SNTG1: variants seen among roughly 807,000 people sequenced by gnomAD.
The protein encoded by SNTG1 is syntrophin gamma 1, also known as gamma-1-syntrophin.
SNTG1 carries 39 observed loss-of-function variants against 74.7 expected under a neutral mutation model. That is an observed-to-expected ratio of 0.52 (90% CI 0.40 to 0.68). SNTG1 has a LOEUF of 0.68. SNTG1 is among the 30% of genes least tolerant of loss of function. The pLI is 0.00. For missense variants in SNTG1, 685 were observed against 609.5 expected, an observed-to-expected ratio of 1.12 and a Z score of -1.30; for synonymous variants, 254 against 217.1, an observed-to-expected ratio of 1.17 and a Z score of -1.49.
At chr8:50,405,493 G>C (rs1371351408) in intron 4 of SNTG1, among the ~76,000 whole-genome samples, 2 of 151,980 alleles carry the variant, frequency 1.3e-5, no homozygotes, top group Non-Finnish European at 2.9e-5. Flanking sequence ...TTTTGAATTG[G>C]ATTGTTTGTT....
At chr8:50,511,344 T>C (rs1185452064) in intron 9 of SNTG1, among the ~76,000 whole-genome samples, 1 of 152,190 alleles carries the variant, frequency 6.6e-6, no homozygotes, top group African/African-American at 2.4e-5. Context: ...AACTATGTGG[T>C]CAATTTTGGA....
intron 18 of SNTG1, among the ~76,000 whole-genome samples, chr8:50,787,892 G>A (rs1252760321): frequency 6.6e-6 from 1 of 151,992 alleles, no homozygotes; most frequent in African/African-American, 2.4e-5. Context: ...TTTTTGGAGT[G>A]ATAAAAATGT....
At chr8:50,729,894 A>T (rs577383148) in intron 17 of SNTG1, among the ~76,000 whole-genome samples, 1 of 152,284 alleles carries the variant, frequency 6.6e-6, no homozygotes, top group African/African-American at 2.4e-5. Context: ...ACTGTGACCA[A>T]GGAATTCATT....
intron 1 of SNTG1, among the ~76,000 whole-genome samples, chr8:49,928,238 T>G (rs965983315): frequency 1.1e-4 from 2 of 18,814 alleles, no homozygotes; most frequent in Non-Finnish European, 2.9e-4. Flanking sequence ...TTTTGTTTCT[T>G]TTTTTTTGAG....
chr8:50,702,165 A>G (rs1377892985), intron 15 of SNTG1, among the ~76,000 whole-genome samples: 2 of 151,828 alleles, frequency 1.3e-5, no homozygotes, highest in East Asian at 3.9e-4. Flanking sequence ...TATTTTTTTT[A>G]TAATGGCATT....
chr8:50,714,337 A>G (rs939609736), intron 17 of SNTG1, among the ~76,000 whole-genome samples: 30 of 151,926 alleles, frequency 2.0e-4, no homozygotes, highest in African/African-American at 2.4e-4. Context: ...TTGGTTCCCT[A>G]TGAAATTTGA....
At chr8:49,972,224 C>T (rs1316988521) in intron 1 of SNTG1, among the ~76,000 whole-genome samples, 2 of 152,108 alleles carry the variant, frequency 1.3e-5, no homozygotes, top group African/African-American at 2.4e-5. Context: ...TATCTACAAC[C>T]ACCTGATCTT....
At chr8:50,551,922 A>G (rs1004848693) in intron 11 of SNTG1, among the ~76,000 whole-genome samples, 1 of 152,164 alleles carries the variant, frequency 6.6e-6, no homozygotes, top group African/African-American at 2.4e-5. Context: ...TGAGACAGGA[A>G]GGCAGAGTGG....
At chr8:49,963,294 T>A (rs1810858629) in intron 1 of SNTG1, among the ~76,000 whole-genome samples, 1 of 152,178 alleles carries the variant, frequency 6.6e-6, no homozygotes, top group Admixed American at 6.5e-5. Flanking sequence ...CTGCCAGGAT[T>A]CAAATAAACA....
chr8:50,548,994 C>A (rs1206935050), intron 11 of SNTG1, among the ~76,000 whole-genome samples: 2 of 152,032 alleles, frequency 1.3e-5, no homozygotes, highest in Admixed American at 1.3e-4. Context: ...TTGCAAGGAC[C>A]TCAGAGATAT....
At chr8:49,995,519 A>G (rs2130372126) in intron 1 of SNTG1, among the ~76,000 whole-genome samples, 1 of 152,292 alleles carries the variant, frequency 6.6e-6, no homozygotes, top group African/African-American at 2.4e-5. Flanking sequence ...TGATGTGTGC[A>G]TTTGTTTAAT....
chr8:50,116,763 G>A (rs1459733282), intron 1 of SNTG1, among the ~76,000 whole-genome samples: 1 of 151,998 alleles, frequency 6.6e-6, no homozygotes, highest in South Asian at 2.1e-4. Flanking sequence ...AGGAGTGCAG[G>A]GGCTGCTGCT....
intron 1 of SNTG1, among the ~76,000 whole-genome samples, chr8:50,022,552 C>A (rs918783220): frequency 1.3e-5 from 2 of 152,162 alleles, no homozygotes; most frequent in Non-Finnish European, 1.5e-5. Context: ...TTGAAGGAGA[C>A]CTGAACCTTG....
intron 1 of SNTG1, among the ~76,000 whole-genome samples, chr8:50,134,616 G>T (rs2081413515): frequency 6.6e-6 from 1 of 152,118 alleles, no homozygotes; most frequent in Non-Finnish European, 1.5e-5. Flanking sequence ...AGATAGAATA[G>T]TAATTAGAGG....
At chr8:50,102,790 T>C (rs1422818669) in intron 1 of SNTG1, among the ~76,000 whole-genome samples, 1 of 150,868 alleles carries the variant, frequency 6.6e-6, no homozygotes, top group Non-Finnish European at 1.5e-5. Context: ...CTAGCCAGTT[T>C]TCCCAGCCCC....
chr8:49,999,723 G>A (rs770970776), intron 1 of SNTG1, among the ~76,000 whole-genome samples: 19 of 152,116 alleles, frequency 1.2e-4, no homozygotes, highest in East Asian at 1.9e-4. Flanking sequence ...CTTTTTGCCC[G>A]TTTCCTGAAT....
chr8:50,607,585 T>A (rs2094821892), intron 13 of SNTG1, among the ~76,000 whole-genome samples: 2 of 151,668 alleles, frequency 1.3e-5, no homozygotes, highest in Non-Finnish European at 3.0e-5. Flanking sequence ...ATTCTTTCCC[T>A]CTCTCTTTTT....
chr8:50,683,647 A>G (rs2095340111), intron 15 of SNTG1, among the ~76,000 whole-genome samples: 1 of 152,198 alleles, frequency 6.6e-6, no homozygotes, highest in Non-Finnish European at 1.5e-5. Flanking sequence ...ATTTCAAGTG[A>G]CACAAGTATT....
At chr8:50,478,717 T>A (rs2093715985) in intron 8 of SNTG1, among the ~76,000 whole-genome samples, 1 of 152,188 alleles carries the variant, frequency 6.6e-6, no homozygotes, top group African/African-American at 2.4e-5. Flanking sequence ...GTTATTTAAA[T>A]GTTGGGTATG....
Sources: allele counts gnomAD v4.1 joint callset (sites outside exome capture counted in the v4.1 genomes callset), GRCh38; gene constraint gnomAD v4.1.1; transcripts MANE v1.5; gene names NCBI Gene and HGNC (gene_info 2026-07-23, HGNC 2026-07-21).